The following QRICH1 variants were observed in gnomAD, a reference collection of about 807,000 sequenced individuals.
QRICH1 encodes the protein glutamine rich 1.
A neutral mutation model predicts 87.1 loss-of-function variants in QRICH1; 16 were observed. The observed-to-expected ratio is 0.18, with a 90% CI of 0.12 to 0.28. QRICH1 has a LOEUF of 0.28. Ranked by LOEUF, QRICH1 falls within the 10% of genes least tolerant of loss-of-function variation. QRICH1 has a pLI of 1.00. For missense variants in QRICH1, 647 were observed against 951.7 expected, an observed-to-expected ratio of 0.68 and a Z score of 4.21; for synonymous variants, 367 against 368.4, an observed-to-expected ratio of 1.00 and a Z score of 0.05.
intron 2 of QRICH1, among the ~76,000 whole-genome samples, chr3:49,072,220 T>C (rs532004509): frequency 1.2e-4 from 19 of 152,082 alleles, no homozygotes; most frequent in Non-Finnish European, 2.2e-4. Flanking sequence ...GAGATGGAGG[T>C]TGCAGTGAGC....
intron 3 of QRICH1, 75 bp from the exon 4 acceptor site, chr3:49,047,321 G>C: frequency 7.6e-7 from 1 of 1,316,764 alleles, no homozygotes; most frequent in East Asian, 2.3e-5. Context: ...CCAGAAAAAT[G>C]TTATGTATAG....
intron 3 of QRICH1, among the ~76,000 whole-genome samples, chr3:49,054,048 G>A (rs561182808): frequency 6.6e-6 from 1 of 152,258 alleles, no homozygotes; most frequent in East Asian, 1.9e-4. Context: ...GGAAAATCGG[G>A]ATTCTTCACA....
intron 3 of QRICH1, among the ~76,000 whole-genome samples, chr3:49,054,600 T>A (rs2093390153): frequency 6.6e-6 from 1 of 152,070 alleles, no homozygotes. Context: ...ATCTAAACTA[T>A]AAACTACAGT....
Position 49,094,063 on chromosome 3 carries a change from A to C in QRICH1, c.-173T>G, listed in dbSNP as rs374550528. On this transcript the variant is annotated 5_prime_UTR_variant, in exon 1 of 10. Transcript: ENST00000395443. The stretch of plus-strand genomic sequence containing the variant: ...GGGCGCCATCTTACATTCAACCCTC[A>C]CAGCCAATAGGAGCCGATTGCTCCT... 1 of 398,514 alleles carries C rather than the reference A, an allele frequency of 2.5e-6. No individual in the cohort carries two copies. 24.7% of individuals were successfully genotyped at this position (398,514 alleles called of 1,614,324 possible). A position where few individuals can be genotyped will look rare whatever the true frequency, so the allele number is the denominator to read the frequency against.
At chr3:49,042,411 G>GA (rs1250906408) in intron 6 of QRICH1, among the ~76,000 whole-genome samples, 1 of 152,004 alleles carries the variant, frequency 6.6e-6, no homozygotes, top group Non-Finnish European at 1.5e-5. Context: ...AGACACACAG[G>GA]AATCTTAAAG....
chr3:49,065,332 A>G (rs1167687137), intron 2 of QRICH1, among the ~76,000 whole-genome samples: 5 of 152,046 alleles, frequency 3.3e-5, no homozygotes. Flanking sequence ...TTTAGTAGAG[A>G]CAGGTTTTTG....
chr3:49,080,894 G>C (rs1156248809), intron 1 of QRICH1, among the ~76,000 whole-genome samples: 1 of 128,028 alleles, frequency 7.8e-6, no homozygotes, highest in Non-Finnish European at 1.6e-5. Flanking sequence ...AAACAGCTAA[G>C]TATGCTTTGA....
chr3:49,044,272 T>C (rs2093327313), intron 6 of QRICH1, 118 bp downstream of exon 6: 7 of 786,040 alleles, frequency 8.9e-6, no homozygotes, highest in East Asian at 7.8e-5. Context: ...CCAATGCTGC[T>C]GCAGTCTGGG....
In QRICH1 at chr3:49,030,356, A is replaced by T. The variant is rs1559919895; in HGVS notation, c.*96T>A. On this transcript the variant is annotated 3_prime_UTR_variant, in exon 10 of 10. Coordinates refer to ENST00000395443, the MANE Select transcript of QRICH1 (RefSeq NM_198880.3). The stretch of plus-strand genomic sequence containing the variant: ...TGAAAGGCTTCGTAACTACACCAAT[A>T]AAAAAAAGAAAAAAAAAAATGGAGG... 1.6e-6 allele frequency: 2 copies of T among 1,220,444 alleles called. No individual in the cohort carries two copies. Among genetic ancestry groups the T allele is most frequent in the Non-Finnish European group, 2.3e-6 (2 of 879,460 alleles). 75.6% of individuals were successfully genotyped at this position (1,220,444 alleles called of 1,614,324 possible).
chr3:49,043,023 G>C (rs1486043220), intron 6 of QRICH1, among the ~76,000 whole-genome samples: 1 of 152,038 alleles, frequency 6.6e-6, no homozygotes, highest in Non-Finnish European at 1.5e-5. Flanking sequence ...ATAGCACTAT[G>C]AACTATAGTT....
intron 2 of QRICH1, among the ~76,000 whole-genome samples, chr3:49,067,908 G>T (rs552190849): frequency 6.6e-6 from 1 of 151,150 alleles, no homozygotes; most frequent in Middle Eastern, 3.5e-3. Context: ...CCTAAATCAT[G>T]CCACTGCACT....
intron 3 of QRICH1, among the ~76,000 whole-genome samples, chr3:49,049,821 CCTAAAAATATTAAAATTCCA>C: frequency 6.6e-6 from 1 of 152,026 alleles, no homozygotes; most frequent in African/African-American, 2.4e-5. Context: ...ATCTTTATAC[CCTAAAAATATTAAAATTCCA>C]AGATTTTCCA....
intron 5 of QRICH1, among the ~76,000 whole-genome samples, chr3:49,045,326 C>CAAAAAAAA (rs150401256): frequency 1.3e-4 from 13 of 101,822 alleles, no homozygotes; most frequent in African/African-American, 4.8e-4. Flanking sequence ...TTGTGAATTA[C>CAAAAAAAA]AAAAAAAAAA....
At chr3:49,080,170 C>T (rs956091677) in intron 1 of QRICH1, among the ~76,000 whole-genome samples, 2 of 152,284 alleles carry the variant, frequency 1.3e-5, no homozygotes, top group South Asian at 4.1e-4. Flanking sequence ...AACAGGTCCT[C>T]TACCATGCTG....
intron 1 of QRICH1, among the ~76,000 whole-genome samples, chr3:49,077,409 AC>A (rs1388971859): frequency 2.0e-5 from 3 of 152,154 alleles, no homozygotes; most frequent in Non-Finnish European, 4.4e-5. Context: ...CAGAGAGGAC[AC>A]CAAGCAAGGA....
chr3:49,074,507 G>C (rs540232927), intron 2 of QRICH1, among the ~76,000 whole-genome samples: 1 of 151,948 alleles, frequency 6.6e-6, no homozygotes, highest in Non-Finnish European at 1.5e-5. Flanking sequence ...GGGAGGCGGA[G>C]CTTGCAGAGA....
At chr3:49,052,792 C>T (rs528405587) in intron 3 of QRICH1, among the ~76,000 whole-genome samples, 2 of 152,270 alleles carry the variant, frequency 1.3e-5, no homozygotes, top group East Asian at 3.9e-4. Context: ...TGTGAGCCAC[C>T]ACGCCTGGCC....
chr3:49,078,767 G>A lies in QRICH1; in HGVS notation c.-21-1729C>T, dbSNP rs372256000. On this transcript the variant is annotated intron_variant, in intron 1 of 9. Coordinates refer to ENST00000395443, the MANE Select transcript of QRICH1 (RefSeq NM_198880.3). ...GGCTGGAGTGCAGTGGCACGATCTC[G>A]GCTCACTGCAGCCTCCCAGGTTCAA... 3.7e-5 allele frequency among the ~76,000 whole-genome samples: 5 copies of A among 133,528 alleles called. No homozygotes were observed. The East Asian group carries it at 6.8e-4, about 18-fold the overall frequency. 87.6% of individuals were successfully genotyped at this position (133,528 alleles called of 152,430 possible).
At chr3:49,067,169 G>A (rs1053046498) in intron 2 of QRICH1, among the ~76,000 whole-genome samples, 1 of 152,172 alleles carries the variant, frequency 6.6e-6, no homozygotes, top group African/African-American at 2.4e-5. Flanking sequence ...CTCCTAAGTG[G>A]TGGCACCTGT....
Sources: gnomAD v4.1 joint callset for allele counts (sites outside exome capture counted in the v4.1 genomes callset) on GRCh38, gnomAD v4.1.1 for gene constraint, MANE v1.5 for transcripts, NCBI Gene and HGNC (gene_info 2026-07-23, HGNC 2026-07-21) for gene names.